KIAA1328: variants seen among roughly 807,000 people sequenced by gnomAD.
KIAA1328 encodes KIAA1328, also known as protein hinderin.
KIAA1328 carries 52 observed loss-of-function variants against 68.1 expected under a neutral mutation model. That is an observed-to-expected ratio of 0.76 (90% CI 0.61 to 0.96). KIAA1328 has a LOEUF of 0.96. KIAA1328 is among the 40% of genes least tolerant of loss of function. KIAA1328 has a pLI of 0.00. For synonymous variants in KIAA1328, 232 were observed against 239.4 expected, an observed-to-expected ratio of 0.97 and a Z score of 0.28; for missense variants, 641 against 677.6, an observed-to-expected ratio of 0.95 and a Z score of 0.60.
chr18:36,922,822 A>G (rs1254210090), intron 5 of KIAA1328, among the ~76,000 whole-genome samples: 1 of 152,104 alleles, frequency 6.6e-6, no homozygotes, highest in African/African-American at 2.4e-5. Context: ...TTTTCAAGTT[A>G]CTTAGGTTAG....
intron 7 of KIAA1328, among the ~76,000 whole-genome samples, chr18:37,131,757 A>G (rs1485353745): frequency 6.6e-6 from 1 of 152,214 alleles, no homozygotes; most frequent in African/African-American, 2.4e-5. Flanking sequence ...TGTAAATTAT[A>G]TATAACTGTT....
intron 6 of KIAA1328, among the ~76,000 whole-genome samples, chr18:37,060,581 T>C (rs1402130845): frequency 1.3e-5 from 2 of 152,202 alleles, no homozygotes; most frequent in Non-Finnish European, 2.9e-5. Context: ...GGAAAACTTA[T>C]TGGATTGGCA....
intron 6 of KIAA1328, among the ~76,000 whole-genome samples, chr18:37,018,565 G>C (rs145998894): frequency 7.9e-4 from 120 of 152,190 alleles, no homozygotes; most frequent in African/African-American, 2.7e-3. Context: ...TTTCCAGATT[G>C]TTTCCTTTTT....
chr18:36,837,711 G>A (rs548265655), intron 3 of KIAA1328, among the ~76,000 whole-genome samples: 144 of 151,936 alleles, frequency 9.5e-4, no homozygotes, highest in African/African-American at 3.2e-3. Flanking sequence ...GAATTTTAAA[G>A]GTTTTACTCC....
intron 6 of KIAA1328, among the ~76,000 whole-genome samples, chr18:36,970,738 T>C (rs1321066649): frequency 6.6e-6 from 1 of 152,070 alleles, no homozygotes; most frequent in Non-Finnish European, 1.5e-5. Context: ...GTATCCAACT[T>C]ACAAGGGATG....
chr18:37,010,604 A>G (rs1479773553), intron 6 of KIAA1328, among the ~76,000 whole-genome samples: 1 of 152,092 alleles, frequency 6.6e-6, no homozygotes, highest in Admixed American at 6.6e-5. Flanking sequence ...GGACTTAACA[A>G]AGTGCTTTAG....
At chr18:37,056,884 C>G (rs2055930224) in intron 6 of KIAA1328, among the ~76,000 whole-genome samples, 1 of 152,108 alleles carries the variant, frequency 6.6e-6, no homozygotes. Context: ...CTTAAGTGAT[C>G]CACCCACCTT....
intron 6 of KIAA1328, among the ~76,000 whole-genome samples, chr18:36,982,259 A>G (rs754802774): frequency 2.7e-5 from 4 of 150,302 alleles, no homozygotes; most frequent in African/African-American, 9.8e-5. Flanking sequence ...GATGAAAACT[A>G]TAAACCCATG....
At chr18:37,072,595 T>C (rs1021638269) in intron 7 of KIAA1328, among the ~76,000 whole-genome samples, 1 of 152,160 alleles carries the variant, frequency 6.6e-6, no homozygotes, top group African/African-American at 2.4e-5. Context: ...CCATGCCCTC[T>C]TCTGGCTAGC....
At chr18:36,971,015 A>C (rs1357696820) in intron 6 of KIAA1328, among the ~76,000 whole-genome samples, 4 of 152,244 alleles carry the variant, frequency 2.6e-5, no homozygotes, top group Non-Finnish European at 4.4e-5. Context: ...CAAAAAGAGC[A>C]AAGCTGGAGG....
intron 7 of KIAA1328, among the ~76,000 whole-genome samples, chr18:37,159,692 A>G (rs2059234773): frequency 1.3e-5 from 2 of 152,224 alleles, no homozygotes; most frequent in African/African-American, 4.8e-5. Context: ...AAACTATGTA[A>G]GTATGGAGTC....
At position 37,056,015 on chromosome 18, in the gene KIAA1328, G is replaced by A. The variant is rs185192143; in HGVS notation, c.577-10875G>A. On this transcript the variant is annotated intron_variant, in intron 6 of 9. Transcript: ENST00000280020. ...CAACCTGTTATAAGAAATTATTACTGCAGTTTAGTTCACCTCTTTATGAGA... is the reference window on the plus strand; with the variant it reads ...CAACCTGTTATAAGAAATTATTACTACAGTTTAGTTCACCTCTTTATGAGA... Among the ~76,000 whole-genome samples, 220 of 152,244 alleles carry A rather than the reference G, an allele frequency of 1.4e-3. 3 individuals are homozygous for A. The highest frequency in any genetic ancestry group is 0.013 in the Admixed American group (202 of 15,290).
intron 7 of KIAA1328, among the ~76,000 whole-genome samples, chr18:37,071,057 CTTTTTTTTTTTT>C (rs58722044): frequency 1.6e-4 from 14 of 86,836 alleles, no homozygotes; most frequent in African/African-American, 5.5e-4. Context: ...TTTTTTCTTC[CTTTTTTTTTTTT>C]TTTTTTTTTT....
chr18:36,975,445 G>A (rs1390463723), intron 6 of KIAA1328, among the ~76,000 whole-genome samples: 1 of 152,134 alleles, frequency 6.6e-6, no homozygotes, highest in Non-Finnish European at 1.5e-5. Context: ...GCCTCCCAAA[G>A]TGCTGGGATT....
chr18:36,893,934 T>C (rs921195783), intron 5 of KIAA1328, among the ~76,000 whole-genome samples: 1 of 152,170 alleles, frequency 6.6e-6, no homozygotes, highest in African/African-American at 2.4e-5. Context: ...TTAGAAGTAT[T>C]AGTGCTTTTA....
At chr18:36,967,841 G>C (rs1449505743) in intron 6 of KIAA1328, among the ~76,000 whole-genome samples, 2 of 151,984 alleles carry the variant, frequency 1.3e-5, no homozygotes, top group Non-Finnish European at 2.9e-5. Context: ...TCTTATCATG[G>C]GCATCTGGAA....
At chr18:37,066,724 T>C in intron 6 of KIAA1328, 166 bp from the exon 7 acceptor site, 1 of 611,462 alleles carries the variant, frequency 1.6e-6, no homozygotes, top group Non-Finnish European at 2.7e-6. Context: ...TGGATGTAGC[T>C]TTGGGGCACA....
chr18:36,996,274 A>T (rs1234812761), intron 6 of KIAA1328, among the ~76,000 whole-genome samples: 1 of 152,136 alleles, frequency 6.6e-6, no homozygotes, highest in Non-Finnish European at 1.5e-5. Flanking sequence ...TAAGCTCTTT[A>T]TATATAGACA....
chr18:36,918,122 G>T (rs1199546402), intron 5 of KIAA1328, among the ~76,000 whole-genome samples: 2 of 151,990 alleles, frequency 1.3e-5, no homozygotes, highest in Non-Finnish European at 2.9e-5. Context: ...TGTCATATCT[G>T]TAGTAACACA....
Sources: gnomAD v4.1 joint callset for allele counts (sites outside exome capture counted in the v4.1 genomes callset) on GRCh38, gnomAD v4.1.1 for gene constraint, MANE v1.5 for transcripts, NCBI Gene and HGNC (gene_info 2026-07-23, HGNC 2026-07-21) for gene names.